DMTN: variants seen among roughly 807,000 people sequenced by gnomAD.
DMTN encodes dematin actin binding protein.
In DMTN, 27 loss-of-function variants were observed where a neutral mutation model predicts 59.4. That is an observed-to-expected ratio of 0.45 (90% confidence interval 0.33 to 0.63). DMTN has a LOEUF of 0.63. Ranked by LOEUF, DMTN falls within the 20% of genes least tolerant of loss-of-function variation. DMTN has a pLI of 0.02. For missense variants in DMTN, 451 were observed against 528.9 expected, an observed-to-expected ratio of 0.85 and a Z score of 1.45; for synonymous variants, 221 against 203.7, an observed-to-expected ratio of 1.08 and a Z score of -0.72.
In DMTN at chr8:22,060,077, C is replaced by T. The variant is rs370388460; in HGVS notation, c.-172+2941C>T. 2.6e-5 allele frequency among the ~76,000 whole-genome samples: 4 copies of T among 152,102 alleles called. No individual in the cohort carries two copies. The highest frequency in any genetic ancestry group is 4.8e-5 in the African/African-American group (2 of 41,402). On this transcript the variant is annotated intron_variant, in intron 1 of 15. Transcript: ENST00000358242. This position sits in a 1 kb window ranked among gnomAD's most constrained non-coding sequence, Gnocchi z 5.0. ...GGAGGGCGAGCGGCTGGCTGGCGTC[C>T]GACCAGGGCCAGGGGCAGCTGAGCT...
At chr8:22,049,742 T>C (rs993708298), upstream of DMTN, among the ~76,000 whole-genome samples, 1 of 152,118 alleles carries the variant, frequency 6.6e-6, no homozygotes, top group Admixed American at 6.5e-5. Flanking sequence ...TCCTCTCTTC[T>C]GAGGATGTAC....
intron 6 of DMTN, 135 bp downstream of exon 6, chr8:22,069,653 C>A: frequency 1.1e-6 from 1 of 898,270 alleles, no homozygotes; most frequent in Non-Finnish European, 1.7e-6. Context: ...GAGGCCAGGA[C>A]CCCTCCCAGA....
At chr8:22,076,896 G>A (rs1443144226) in intron 10 of DMTN, among the ~76,000 whole-genome samples, 1 of 152,146 alleles carries the variant, frequency 6.6e-6, no homozygotes, top group African/African-American at 2.4e-5. Flanking sequence ...CCAGGGGCAG[G>A]CCAGATGAGA....
At chr8:22,068,927 G>C in intron 4 of DMTN, 89 bp from the exon 5 acceptor site, 6 of 1,456,840 alleles carry the variant, frequency 4.1e-6, no homozygotes, top group Non-Finnish European at 5.8e-6. Flanking sequence ...GTGCGGCTTT[G>C]GGTGGGGGAT....
intron 9 of DMTN, among the ~76,000 whole-genome samples, chr8:22,073,039 G>A (rs1388991200): frequency 2.0e-5 from 3 of 152,210 alleles, no homozygotes; most frequent in African/African-American, 7.2e-5. Flanking sequence ...GAGAAAAGGA[G>A]AGCATGGGCT....
chr8:22,076,027 C>T (rs2131364716), intron 10 of DMTN, among the ~76,000 whole-genome samples: 1 of 152,252 alleles, frequency 6.6e-6, no homozygotes, highest in Non-Finnish European at 1.5e-5. Context: ...AATCCAGTGG[C>T]TGATTGGACG....
chr8:22,064,880 T>C (rs1306334453), intron 1 of DMTN, among the ~76,000 whole-genome samples: 1 of 152,220 alleles, frequency 6.6e-6, no homozygotes, highest in Non-Finnish European at 1.5e-5. Flanking sequence ...CTGTGAATCG[T>C]GCTGAAGACA....
intron 3 of DMTN, 57 bp downstream of exon 3, chr8:22,067,216 A>T: frequency 6.4e-7 from 1 of 1,568,068 alleles, no homozygotes; most frequent in East Asian, 2.3e-5. Flanking sequence ...AGGGTGGGGG[A>T]CCCCTGGCTG....
In DMTN at chr8:22,066,815, C is replaced by A; in HGVS notation, c.-61C>A. On this transcript the variant is annotated 5_prime_UTR_variant, in exon 2 of 16. In the 5' UTR this introduces an upstream ATG that the reference lacks. Transcript: ENST00000358242. The stretch of plus-strand genomic sequence containing the variant: ...CAGCAGCCGCGCCGAGCCTGACACG[C>A]TGTCCTCTCCCCTCGCGCACAGGGC... 1 of 1,420,378 alleles carries A rather than the reference C, an allele frequency of 7.0e-7. No individual in the cohort carries two copies. The highest frequency in any genetic ancestry group is 9.2e-7 in the Non-Finnish European group (1 of 1,084,606). The allele number at this position is 1,420,378 out of a possible 1,614,324, so 88.0% of individuals were successfully genotyped here.
In DMTN at chr8:22,072,465, C is replaced by A; in HGVS notation, c.729+15C>A. ...AACTCAGTAAGGTAGCATCTCACCA[C>A]CCCCACCCTCCACCCCTGTGCAGGA... On this transcript the variant is annotated intron_variant, in intron 9 of 15. Coordinates refer to ENST00000358242, the MANE Select transcript of DMTN (RefSeq NM_001387751.1). The A allele has an allele frequency of 2.6e-6, 4 of 1,540,226 alleles. No homozygotes were observed. The highest frequency in any genetic ancestry group is 3.5e-6 in the Non-Finnish European group (4 of 1,138,792).
chr8:22,071,765 A>G (rs1011354012), intron 8 of DMTN, among the ~76,000 whole-genome samples: 1 of 151,658 alleles, frequency 6.6e-6, no homozygotes, highest in Non-Finnish European at 1.5e-5. Context: ...TATTTTTAAT[A>G]GAGATGGGGT....
At chr8:22,080,893 G>C in intron 14 of DMTN, 23 bp downstream of exon 14, 1 of 1,546,338 alleles carries the variant, frequency 6.5e-7, no homozygotes. Context: ...GGACACAAGC[G>C]CCTGTAGCGG....
At chr8:22,055,031 C>G (rs1801934873), upstream of DMTN, 1 of 152,832 alleles carries the variant, frequency 6.5e-6, no homozygotes, top group African/African-American at 2.4e-5. Context: ...TCCCCTCCTT[C>G]TCCCCTCCGC....
At chr8:22,081,321 T>TG in intron 15 of DMTN, 29 bp from the exon 16 acceptor site, 3 of 1,605,464 alleles carry the variant, frequency 1.9e-6, no homozygotes, top group Non-Finnish European at 2.6e-6. Context: ...TCCCCCTCCA[T>TG]GCTGAGCTGC....
chr8:22,051,021 A>G (rs554517267), upstream of DMTN, among the ~76,000 whole-genome samples: 2 of 152,266 alleles, frequency 1.3e-5, no homozygotes, highest in African/African-American at 4.8e-5. Context: ...GGTTGGAAGG[A>G]AGGAGACTTC....
chr8:22,076,032 T>A (rs1421097298), intron 10 of DMTN, among the ~76,000 whole-genome samples: 1 of 152,162 alleles, frequency 6.6e-6, no homozygotes, highest in Non-Finnish European at 1.5e-5. Context: ...AGTGGCTGAT[T>A]GGACGTGGGA....
rs536446985 is a variant in DMTN at position 22,070,007 on chromosome 8, G to A, written c.451+70G>A. On this transcript the variant is annotated intron_variant, in intron 7 of 15. Coordinates refer to ENST00000358242, the MANE Select transcript of DMTN (RefSeq NM_001387751.1). ...CTGGGAGGCCGTGCCCTGGGGCTGC[G>A]GGCTGGCTGGAGGGGGTCGGGAGGA... 284 of 1,599,490 alleles carry A rather than the reference G, an allele frequency of 1.8e-4. 1 individual carries two copies. In the African/African-American group the frequency reaches 2.8e-3, roughly 16 times the overall value.
chr8:22,078,326 C>T (rs1225105302), intron 10 of DMTN, among the ~76,000 whole-genome samples: 2 of 151,582 alleles, frequency 1.3e-5, no homozygotes, highest in Non-Finnish European at 2.9e-5. Flanking sequence ...GACTGTACCA[C>T]TGCACTCCAG....
chr8:22,049,110 C>T (rs1343351242), upstream of DMTN: 1 of 149,282 alleles, frequency 6.7e-6, no homozygotes. Context: ...AGCCGGGCCC[C>T]GGGCCCCAGG....
Sources: allele counts gnomAD v4.1 joint callset (sites outside exome capture counted in the v4.1 genomes callset), GRCh38; gene constraint gnomAD v4.1.1; non-coding constraint Gnocchi (gnomAD v3.1); transcripts MANE v1.5; gene names NCBI Gene and HGNC (gene_info 2026-07-23, HGNC 2026-07-21).